Variants in TSPAN9 observed in about 807,000 individuals in gnomAD.
The protein encoded by TSPAN9 is tetraspanin-9.
In TSPAN9, 16 loss-of-function variants were observed where a neutral mutation model predicts 31.0. The observed-to-expected ratio is 0.52, with a 90% CI of 0.35 to 0.78. TSPAN9 has a LOEUF of 0.78. Ranked by LOEUF, TSPAN9 falls within the 30% of genes least tolerant of loss-of-function variation. TSPAN9 has a pLI of 0.01. For missense variants in TSPAN9, 272 were observed against 312.5 expected (o/e 0.87, Z 0.98); for synonymous variants, 145 against 121.6 (o/e 1.19, Z -1.27).
intron 2 of TSPAN9, among the ~76,000 whole-genome samples, chr12:3,174,744 G>A (rs35909179): frequency 0.31 from 41,945 of 136,560 alleles, 8,729 homozygotes; most frequent in South Asian, 0.47. Context: ...CACCGCGCCC[G>A]GCTAATTTTT....
chr12:3,162,431 A>G (rs116242586), intron 2 of TSPAN9, among the ~76,000 whole-genome samples: 1,636 of 152,306 alleles, frequency 0.011, 27 homozygotes, highest in African/African-American at 0.038. Context: ...ATGTGGGCTT[A>G]CATCATAGCA....
intron 4 of TSPAN9, 73 bp from the exon 5 acceptor site, chr12:3,278,919 C>A: frequency 6.5e-7 from 1 of 1,529,060 alleles, no homozygotes; most frequent in Non-Finnish European, 9.1e-7. Flanking sequence ...CCGCCTGTCC[C>A]TGCCTTCCAC....
intron 2 of TSPAN9, among the ~76,000 whole-genome samples, chr12:3,153,302 A>C (rs183016310): frequency 6.6e-6 from 1 of 152,300 alleles, no homozygotes; most frequent in Non-Finnish European, 1.5e-5. Flanking sequence ...TAGGAACACA[A>C]ATCAAAGAAA....
chr12:3,252,494 A>G (rs527685866), intron 3 of TSPAN9, among the ~76,000 whole-genome samples: 1 of 152,264 alleles, frequency 6.6e-6, no homozygotes, highest in East Asian at 1.9e-4. Context: ...ATGCCCTTAT[A>G]TAGCCGTCCC....
chr12:3,209,091 C>G (rs1040287307), intron 3 of TSPAN9, among the ~76,000 whole-genome samples: 1 of 151,958 alleles, frequency 6.6e-6, no homozygotes, highest in African/African-American at 2.4e-5. Flanking sequence ...AAAAATTAGT[C>G]GGGTGTGGTG....
intron 2 of TSPAN9, among the ~76,000 whole-genome samples, chr12:3,117,165 G>A (rs1312389268): frequency 6.6e-6 from 1 of 152,160 alleles, no homozygotes; most frequent in African/African-American, 2.4e-5. Flanking sequence ...TTTCCAGGCT[G>A]TCTTGGGTGG....
chr12:3,263,447 C>T (rs1312246619), intron 3 of TSPAN9, among the ~76,000 whole-genome samples: 2 of 152,180 alleles, frequency 1.3e-5, no homozygotes, highest in Non-Finnish European at 1.5e-5. Flanking sequence ...TGGCGGTGGA[C>T]GGGCAGATGG....
At position 3,187,464 on chromosome 12, in the gene TSPAN9, G is replaced by T. The variant is rs2098362005; in HGVS notation, c.-17-13713G>T. Among the ~76,000 whole-genome samples, 1 of 152,180 alleles carries T rather than the reference G, an allele frequency of 6.6e-6. No individual in the cohort carries two copies. Among genetic ancestry groups the T allele is most frequent in the Non-Finnish European group, 1.5e-5 (1 of 68,036 alleles). On this transcript the variant is annotated intron_variant, in intron 2 of 8. Transcript: ENST00000011898. This position sits in a 1 kb window ranked among gnomAD's most constrained non-coding sequence, Gnocchi z 5.2. ...AAGCAGGGCCCAGCACTGGACCCAG[G>T]TAAGGCCGCTTGGTGTAAGGAAAGA...
intron 3 of TSPAN9, among the ~76,000 whole-genome samples, chr12:3,211,146 A>G (rs955491066): frequency 6.6e-6 from 1 of 152,054 alleles, no homozygotes; most frequent in African/African-American, 2.4e-5. Context: ...GAGTTCCTGG[A>G]CTGATTTCTG....
intron 3 of TSPAN9, among the ~76,000 whole-genome samples, chr12:3,230,926 C>T (rs2098390409): frequency 6.6e-6 from 1 of 152,074 alleles, no homozygotes; most frequent in Non-Finnish European, 1.5e-5. Context: ...GATCTCAGTG[C>T]GTACCTTCCT....
At chr12:3,132,744 T>G (rs2098330341) in intron 2 of TSPAN9, among the ~76,000 whole-genome samples, 1 of 152,142 alleles carries the variant, frequency 6.6e-6, no homozygotes, top group African/African-American at 2.4e-5. Flanking sequence ...CTATTCAGTC[T>G]CCTCTGAAAG....
At chr12:3,124,883 C>A (rs2098326649) in intron 2 of TSPAN9, 1 of 151,964 alleles carries the variant, frequency 6.6e-6, no homozygotes, top group East Asian at 1.9e-4. Context: ...CATAGTGAGA[C>A]CCCTGTCTCT....
chr12:3,203,180 G>A (rs1431105377), intron 3 of TSPAN9, among the ~76,000 whole-genome samples: 1 of 152,058 alleles, frequency 6.6e-6, no homozygotes, highest in Non-Finnish European at 1.5e-5. Context: ...GCCGGAGTTG[G>A]TATAACTGCC....
chr12:3,091,760 G>T (rs1277013548), intron 2 of TSPAN9, among the ~76,000 whole-genome samples: 1 of 152,166 alleles, frequency 6.6e-6, no homozygotes, highest in Non-Finnish European at 1.5e-5. Flanking sequence ...GAAATGTTTT[G>T]TAGCTGAAAA....
chr12:3,283,431 C>G lies in TSPAN9; in HGVS notation c.*315C>G, dbSNP rs1862941406. 1 of 255,738 alleles carries G rather than the reference C, an allele frequency of 3.9e-6. No homozygotes were observed. The highest frequency in any genetic ancestry group is 7.4e-6 in the Non-Finnish European group (1 of 135,096). The allele number at this position is 255,738 out of a possible 1,614,324, so 15.8% of individuals were successfully genotyped here. ...GCACTGATGGGCTTCTGCCCCTGCC[C>G]TTCCTCACACTGACACTTTGTCCCC... On this transcript the variant is annotated 3_prime_UTR_variant, in exon 9 of 9. Transcript: ENST00000011898.
chr12:3,207,642 G>A (rs960858343), intron 3 of TSPAN9, among the ~76,000 whole-genome samples: 2 of 152,320 alleles, frequency 1.3e-5, no homozygotes, highest in Non-Finnish European at 2.9e-5. Context: ...TCTCCTGTGC[G>A]CCCCAGCAAA....
rs559917187 is a variant in TSPAN9, at chr12:3,221,215, T to C, written c.63+19959T>C. On this transcript the variant is annotated intron_variant, in intron 3 of 8. Transcript: ENST00000011898. ...TTACTGGTCCCTTCCCTTATTCATT[T>C]ATTCATTCAAATATCTGCTTATACT... is the stretch of plus-strand genomic sequence containing the variant. Among the ~76,000 whole-genome samples, 6 of 152,322 alleles carry C rather than the reference T, an allele frequency of 3.9e-5. No individual in the cohort carries two copies. In the East Asian group the frequency reaches 1.2e-3, roughly 29 times the overall value.
chr12:3,155,885 G>C (rs138853974), intron 2 of TSPAN9, among the ~76,000 whole-genome samples: 6 of 152,192 alleles, frequency 3.9e-5, no homozygotes, highest in Non-Finnish European at 8.8e-5. Context: ...GGGAGATAAA[G>C]GGGAGTCTGT....
chr12:3,141,780 C>A (rs1178426061), intron 2 of TSPAN9, among the ~76,000 whole-genome samples: 1 of 152,112 alleles, frequency 6.6e-6, no homozygotes, highest in East Asian at 1.9e-4. Context: ...CATGCTTAGT[C>A]CCCACCCACC....
Sources: allele counts gnomAD v4.1 joint callset (sites outside exome capture counted in the v4.1 genomes callset), GRCh38; gene constraint gnomAD v4.1.1; non-coding constraint Gnocchi (gnomAD v3.1); transcripts MANE v1.5; gene names NCBI Gene and HGNC (gene_info 2026-07-23, HGNC 2026-07-21).